The following AP4E1 variants were observed in gnomAD, a reference collection of about 807,000 sequenced individuals.
AP4E1 encodes AP-4 complex subunit epsilon-1.
Under a neutral mutation model 128.2 loss-of-function variants are expected in AP4E1, and 56 were observed. The observed-to-expected ratio is 0.44, with a 90% CI of 0.35 to 0.55. The LOEUF is 0.55. AP4E1 is among the 20% of genes least tolerant of loss of function. The pLI is 0.00. For missense variants in AP4E1, 1,324 were observed against 1,307.7 expected (o/e 1.01, Z -0.19); for synonymous variants, 484 against 473.1 (o/e 1.02, Z -0.30).
chr15:50,995,240 G>C (rs1002211855), intron 17 of AP4E1, among the ~76,000 whole-genome samples: 1 of 151,954 alleles, frequency 6.6e-6, no homozygotes, highest in Non-Finnish European at 1.5e-5. Flanking sequence ...TTTTTCTTAC[G>C]TTTAGCGTTC....
At chr15:50,913,496 C>A (rs559763529) in intron 2 of AP4E1, among the ~76,000 whole-genome samples, 1 of 152,310 alleles carries the variant, frequency 6.6e-6, no homozygotes, top group African/African-American at 2.4e-5. Flanking sequence ...GGCCATCCAA[C>A]TCTGTGTATA....
At chr15:50,944,699 T>G in intron 10 of AP4E1, 2 of 491,446 alleles carry the variant, frequency 4.1e-6, no homozygotes, top group Non-Finnish European at 7.4e-6. Flanking sequence ...TGGACAATTA[T>G]GTCTGTGAAA....
intron 17 of AP4E1, among the ~76,000 whole-genome samples, chr15:50,996,057 C>T (rs908694410): frequency 1.5e-5 from 2 of 137,202 alleles, no homozygotes; most frequent in Non-Finnish European, 3.1e-5. Flanking sequence ...GTCACGATCT[C>T]AGCTTACTGC....
chr15:50,997,463 T>A lies in AP4E1; in HGVS notation c.2484T>A (p.Asp828Glu). Reference sequence around the variant, plus strand: ...CTTTGTCAAATGTGGCATATGAAGATGATTATTATTCGAATACTTTGCACG... The same window carrying A: ...CTTTGTCAAATGTGGCATATGAAGAAGATTATTATTCGAATACTTTGCACG... Reference protein sequence around the residue: ...FSSLSNVAYEDDYYSNTLHDT... With the variant: ...FSSLSNVAYEEDYYSNTLHDT... The change falls in exon 18 of 21, where the codon GAT (aspartate) becomes GAA (glutamate). Residue 828 changes from aspartate (D) to glutamate (E), a missense_variant. Physicochemically the swap from Asp to Glu is conservative, Grantham distance 45 (BLOSUM62 2). Transcript: ENST00000261842. 2 of 1,614,040 alleles carry A rather than the reference T, an allele frequency of 1.2e-6. No homozygotes were observed. Among genetic ancestry groups the A allele is most frequent in the Non-Finnish European group, 8.5e-7 (1 of 1,179,968 alleles).
intron 18 of AP4E1, among the ~76,000 whole-genome samples, chr15:50,998,637 AAG>A (rs879912074): frequency 4.6e-5 from 7 of 151,832 alleles, no homozygotes; most frequent in Non-Finnish European, 8.8e-5. Flanking sequence ...CTCAAAAAAA[AAG>A]AATCATCTGT....
At chr15:50,970,509 G>A (rs1192603372) in intron 15 of AP4E1, among the ~76,000 whole-genome samples, 1 of 152,090 alleles carries the variant, frequency 6.6e-6, no homozygotes, top group Non-Finnish European at 1.5e-5. Context: ...TTCTCCCTTT[G>A]GGTCTAATAT....
At chr15:50,948,251 G>T in intron 11 of AP4E1, 92 bp downstream of exon 11, 1 of 1,458,668 alleles carries the variant, frequency 6.9e-7, no homozygotes, top group Non-Finnish European at 9.5e-7. Flanking sequence ...TGCAAGTCGA[G>T]TTCAGAGACC....
chr15:50,980,167 G>A (rs1050714892), intron 15 of AP4E1, among the ~76,000 whole-genome samples: 2 of 152,152 alleles, frequency 1.3e-5, no homozygotes, highest in African/African-American at 4.8e-5. Flanking sequence ...TTACTTAAGT[G>A]TACTTAATCT....
intron 17 of AP4E1, among the ~76,000 whole-genome samples, chr15:50,994,955 C>G (rs1207146758): frequency 6.6e-6 from 1 of 152,002 alleles, no homozygotes; most frequent in Non-Finnish European, 1.5e-5. Flanking sequence ...TCATTCCCAC[C>G]CAGCTATCAC....
intron 15 of AP4E1, among the ~76,000 whole-genome samples, chr15:50,972,018 T>C (rs1484106913): frequency 6.6e-6 from 1 of 152,184 alleles, no homozygotes; most frequent in African/African-American, 2.4e-5. Context: ...TGTTTCTTTT[T>C]TCATGGTTGA....
At chr15:50,986,380 T>G (rs1311400721) in intron 16 of AP4E1, among the ~76,000 whole-genome samples, 1 of 152,228 alleles carries the variant, frequency 6.6e-6, no homozygotes, top group African/African-American at 2.4e-5. Context: ...ATCCCTGTCT[T>G]GTGCCACTTT....
chr15:50,989,000 G>T (rs1444181382), intron 16 of AP4E1, among the ~76,000 whole-genome samples: 1 of 152,110 alleles, frequency 6.6e-6, no homozygotes, highest in African/African-American at 2.4e-5. Context: ...GATGACATTT[G>T]TAAGTACATA....
At chr15:50,922,667 A>C (rs1224364865) in intron 3 of AP4E1, among the ~76,000 whole-genome samples, 5 of 152,186 alleles carry the variant, frequency 3.3e-5, no homozygotes, top group African/African-American at 1.2e-4. Flanking sequence ...GACTATGTGG[A>C]GAGGCAGTAA....
chr15:50,977,631 T>G (rs1185389639), intron 15 of AP4E1, among the ~76,000 whole-genome samples: 1 of 150,320 alleles, frequency 6.7e-6, no homozygotes, highest in Non-Finnish European at 1.5e-5. Context: ...TAAGACAAAA[T>G]AAAGAGTAGG....
intron 3 of AP4E1, among the ~76,000 whole-genome samples, chr15:50,920,694 G>A (rs961716968): frequency 2.7e-5 from 4 of 150,688 alleles, no homozygotes; most frequent in Non-Finnish European, 4.4e-5. Flanking sequence ...CACTGCGCCC[G>A]GCCATTTTAT....
At chr15:50,985,849 C>A (rs990471285) in intron 16 of AP4E1, among the ~76,000 whole-genome samples, 13 of 152,044 alleles carry the variant, frequency 8.6e-5, no homozygotes, top group East Asian at 1.9e-4. Flanking sequence ...TCTGTGAAGA[C>A]AGTCATTGGT....
At chr15:50,941,634 A>G (rs779018735) in intron 9 of AP4E1, 32 bp from the exon 10 acceptor site, 40 of 1,612,084 alleles carry the variant, frequency 2.5e-5, no homozygotes, top group Middle Eastern at 3.3e-4. Context: ...ATTTGTTTCA[A>G]TTCACTTTGT....
chr15:50,969,751 T>C (rs1337068115), intron 15 of AP4E1, among the ~76,000 whole-genome samples: 3 of 151,336 alleles, frequency 2.0e-5, no homozygotes, highest in Non-Finnish European at 1.5e-5. Context: ...CTCTGCCTCC[T>C]GGGTTCATGC....
chr15:50,951,396 T>C (rs1414010192), intron 13 of AP4E1, among the ~76,000 whole-genome samples: 1 of 152,220 alleles, frequency 6.6e-6, no homozygotes, highest in Non-Finnish European at 1.5e-5. Context: ...CAGGGCCGCC[T>C]GCTTCATCAA....
Sources: allele counts gnomAD v4.1 joint callset (sites outside exome capture counted in the v4.1 genomes callset), GRCh38; gene constraint gnomAD v4.1.1; transcripts MANE v1.5; gene names NCBI Gene and HGNC (gene_info 2026-07-23, HGNC 2026-07-21).